The following RHBDL3 variants were observed in gnomAD, a reference collection of about 807,000 sequenced individuals.
The protein encoded by RHBDL3 is rhomboid-related protein 3.
RHBDL3 carries 28 observed loss-of-function variants against 48.2 expected under a neutral mutation model. The observed-to-expected ratio is 0.58, with a 90% CI of 0.43 to 0.80. The LOEUF is 0.80. Ranked by LOEUF, RHBDL3 falls within the 30% of genes least tolerant of loss-of-function variation. RHBDL3 has a pLI of 0.00. For missense variants in RHBDL3, 464 were observed against 542.7 expected (o/e 0.85, Z 1.44); for synonymous variants, 208 against 232.3 (o/e 0.90, Z 0.95).
At chr17:32,269,715 G>A (rs1412505373) in intron 2 of RHBDL3, among the ~76,000 whole-genome samples, 1 of 152,216 alleles carries the variant, frequency 6.6e-6, no homozygotes, top group East Asian at 1.9e-4. Flanking sequence ...CCTCCTGCCA[G>A]ATTTAGAATC....
At chr17:32,277,628 A>C (rs2039946639) in intron 2 of RHBDL3, among the ~76,000 whole-genome samples, 1 of 152,156 alleles carries the variant, frequency 6.6e-6, no homozygotes, top group Non-Finnish European at 1.5e-5. Context: ...GCATTGCTGG[A>C]AGACTCCAGC....
chr17:32,308,096 G>A (rs62064224), intron 7 of RHBDL3, among the ~76,000 whole-genome samples: 53,808 of 152,056 alleles, frequency 0.35, 11,478 homozygotes, highest in Non-Finnish European at 0.48. Context: ...AGTAGGGCAC[G>A]TTTGTCGAGA....
In RHBDL3 at chr17:32,267,897, G is replaced by A. The variant is rs1488523620; in HGVS notation, c.112-5G>A. 6.2e-7 allele frequency: 1 copy of A among 1,613,648 alleles called. No individual in the cohort carries two copies. Among genetic ancestry groups the A allele is most frequent in the African/African-American group, 1.3e-5 (1 of 74,878 alleles). On this transcript the variant is annotated splice_region_variant and splice_polypyrimidine_tract_variant and intron_variant, in intron 1 of 8. Transcript: ENST00000269051. ...CCTCTCCTGCATGGCCTCCCTCTCT[G>A]CCAGCACTGGAAAGTCCTGTTTGAT...
intron 3 of RHBDL3, among the ~76,000 whole-genome samples, chr17:32,287,095 C>G (rs1003040243): frequency 6.6e-6 from 1 of 152,152 alleles, no homozygotes; most frequent in African/African-American, 2.4e-5. Context: ...ATGATGGCAC[C>G]CTTTTTTACT....
chr17:32,319,223 C>G (rs1255231999), intron 8 of RHBDL3, among the ~76,000 whole-genome samples: 1 of 151,750 alleles, frequency 6.6e-6, no homozygotes, highest in African/African-American at 2.4e-5. Context: ...GAGATAGAGA[C>G]CATCCTGGCT....
chr17:32,267,374 A>T (rs201243753), intron 1 of RHBDL3, among the ~76,000 whole-genome samples: 1 of 96,944 alleles, frequency 1.0e-5, no homozygotes, highest in East Asian at 2.0e-4. Flanking sequence ...AAAAACGAAC[A>T]AACAAACAAA....
chr17:32,286,522 TC>T, intron 3 of RHBDL3, among the ~76,000 whole-genome samples: 1 of 152,208 alleles, frequency 6.6e-6, no homozygotes. Context: ...GCCTGCCTTT[TC>T]CCATTTGTAG....
At position 32,276,899 on chromosome 17, in the gene RHBDL3, GGCCCTAGCACCTTACTCCA is replaced by G. The variant is rs1372085940; in HGVS notation, c.136-7741_136-7723del. ...TACTGCGGCCCTAGCACCTTACTCC[GGCCCTAGCACCTTACTCCA>G]GCCCTAGCACCTTACTCCGGCCCTA... On this transcript the variant is annotated intron_variant, in intron 2 of 8. Transcript: ENST00000269051. Among the ~76,000 whole-genome samples the G allele has an allele frequency of 1.4e-4, 13 of 96,118 alleles. 4 individuals are homozygous for G. The highest frequency in any genetic ancestry group is 1.9e-4 in the Non-Finnish European group (10 of 51,988). 63.1% of individuals were successfully genotyped at this position (96,118 alleles called of 152,430 possible). A position where few individuals can be genotyped will look rare whatever the true frequency, so the allele number is the denominator to read the frequency against.
At chr17:32,281,501 G>T (rs2040046517) in intron 2 of RHBDL3, among the ~76,000 whole-genome samples, 1 of 152,058 alleles carries the variant, frequency 6.6e-6, no homozygotes, top group South Asian at 2.1e-4. Context: ...CCCCCACTGG[G>T]GGGCTCCCCA....
intron 3 of RHBDL3, among the ~76,000 whole-genome samples, chr17:32,285,451 C>G (rs918460439): frequency 1.1e-4 from 16 of 152,072 alleles, no homozygotes; most frequent in African/African-American, 3.9e-4. Flanking sequence ...CTCAGCATAT[C>G]TGCTCAGCCG....
intron 2 of RHBDL3, among the ~76,000 whole-genome samples, chr17:32,273,476 G>C (rs2039823734): frequency 6.6e-6 from 1 of 152,200 alleles, no homozygotes; most frequent in Non-Finnish European, 1.5e-5. Context: ...AGGTGGAGAG[G>C]ACACATATCT....
At chr17:32,276,923 T>G (rs1035603693) in intron 2 of RHBDL3, among the ~76,000 whole-genome samples, 2 of 129,964 alleles carry the variant, frequency 1.5e-5, no homozygotes, top group Non-Finnish European at 3.1e-5. Flanking sequence ...ACTCCAGCCC[T>G]AGCACCTTAC....
chr17:32,318,374 CG>C (rs1297520727), intron 8 of RHBDL3, among the ~76,000 whole-genome samples: 1 of 150,166 alleles, frequency 6.7e-6, no homozygotes, highest in African/African-American at 2.5e-5. Flanking sequence ...CAGTGGCTCA[CG>C]CCTGTACTCC....
chr17:32,279,521 C>T (rs972369750), intron 2 of RHBDL3, among the ~76,000 whole-genome samples: 1 of 152,206 alleles, frequency 6.6e-6, no homozygotes, highest in Non-Finnish European at 1.5e-5. Context: ...CCAGGCCCCT[C>T]TGACAGCACA....
Position 32,284,696 on chromosome 17 carries a change from A to C in RHBDL3, c.173A>C (p.Lys58Thr), listed in dbSNP as rs2040152323. 6.2e-7 allele frequency: 1 copy of C among 1,614,042 alleles called. No homozygotes were observed. The highest frequency in any genetic ancestry group is 1.3e-5 in the African/African-American group (1 of 74,912). ...AACACAGGCTACATTAGCACAGGCA[A>C]GTTCCGGAGTCTTCTGGAGAGCCAC... is the stretch of plus-strand genomic sequence containing the variant. ...PGNTGYISTG[K>T]FRSLLESHSS... Residue 58 changes from lysine (K) to threonine (T), a missense_variant, in exon 3 of 9, where the codon AAG (lysine) becomes ACG (threonine). Transcript: ENST00000269051.
Position 32,279,985 on chromosome 17 carries a change from C to T in RHBDL3, c.136-4674C>T, listed in dbSNP as rs540211364. Among the ~76,000 whole-genome samples the T allele has an allele frequency of 4.6e-5, 7 of 152,260 alleles. No individual in the cohort carries two copies. The South Asian group carries it at 1.2e-3, about 27-fold the overall frequency. ...GCATAGAGGATAGGAGAAGGCAGAC[C>T]GTGTGGGAGGCCTCAGGCTGAGGCC... On this transcript the variant is annotated intron_variant, in intron 2 of 8. Transcript: ENST00000269051.
At chr17:32,294,747 A>G (rs2040410628) in intron 5 of RHBDL3, among the ~76,000 whole-genome samples, 1 of 151,848 alleles carries the variant, frequency 6.6e-6, no homozygotes, top group Non-Finnish European at 1.5e-5. Flanking sequence ...AGTGCTTCCT[A>G]GTGGCTTCCT....
At chr17:32,276,949 T>G (rs112226559) in intron 2 of RHBDL3, among the ~76,000 whole-genome samples, 1 of 138,392 alleles carries the variant, frequency 7.2e-6, no homozygotes, top group African/African-American at 2.9e-5. Flanking sequence ...CCCTAGCACC[T>G]TACTCCAGCC....
intron 7 of RHBDL3, among the ~76,000 whole-genome samples, chr17:32,313,009 C>A (rs1164385284): frequency 6.6e-6 from 1 of 151,998 alleles, no homozygotes; most frequent in Non-Finnish European, 1.5e-5. Flanking sequence ...GCCATGTTGC[C>A]CATGCTGGTC....
Sources: gnomAD v4.1 joint callset for allele counts (sites outside exome capture counted in the v4.1 genomes callset) on GRCh38, gnomAD v4.1.1 for gene constraint, MANE v1.5 for transcripts, NCBI Gene and HGNC (gene_info 2026-07-23, HGNC 2026-07-21) for gene names.